Variants in TFR2 observed in about 807,000 individuals in gnomAD.
The protein encoded by TFR2 is transferrin receptor 2.
Under a neutral mutation model 91.9 loss-of-function variants are expected in TFR2, and 64 were observed. The observed-to-expected ratio is 0.70, with a 90% CI of 0.57 to 0.86. The LOEUF (loss-of-function observed/expected upper bound fraction) is 0.86, where lower values mean the gene tolerates loss of function less well. Among genes scored for constraint, TFR2 ranks in the 40% least tolerant of loss-of-function variants. The pLI is 0.00. For missense variants in TFR2, 950 were observed against 1,080.5 expected (o/e 0.88, Z 1.69); for synonymous variants, 454 against 459.6 (o/e 0.99, Z 0.15).
In TFR2 at chr7:100,631,926, T is replaced by C; in HGVS notation, c.986A>G (p.Asp329Gly). ...VYGHVHLGTGDPYTPGFPSFN... is the reference protein window; with the variant it reads ...VYGHVHLGTGGPYTPGFPSFN... Reference sequence around the variant, plus strand: ...GGAAGGGAAGCCAGGTGTGTAGGGGTCTCCAGTTCCCAGGTGCACCTGCAG... The same window carrying C: ...GGAAGGGAAGCCAGGTGTGTAGGGGCCTCCAGTTCCCAGGTGCACCTGCAG... Residue 329 changes from aspartate to glycine, a missense_variant, in exon 8 of 18, where the codon GAC becomes GGC. Transcript: ENST00000223051. The C allele has an allele frequency of 6.2e-7, 1 of 1,613,404 alleles. No individual in the cohort carries two copies. The highest frequency in any genetic ancestry group is 1.7e-5 in the Admixed American group (1 of 59,934).
chr7:100,627,592 C>A lies in TFR2; in HGVS notation c.1752G>T (p.Glu584Asp), dbSNP rs1219900591. 1.2e-6 allele frequency: 2 copies of A among 1,614,136 alleles called. No homozygotes were observed. Among genetic ancestry groups the A allele is most frequent in the Non-Finnish European group, 1.7e-6 (2 of 1,180,012 alleles). ...FTAFVGVPAVEFSFMEDDQAY... is the reference protein window; with the variant it reads ...FTAFVGVPAVDFSFMEDDQAY... ...GACGTCTCACCTCCATAAAGGAGAA[C>A]TCGACGGCAGGGACTCCCACAAAGG... Residue 584 changes from glutamate to aspartate, a missense_variant, in exon 15 of 18, where the codon GAG becomes GAT. Coordinates refer to ENST00000223051, the MANE Select transcript of TFR2 (RefSeq NM_003227.4).
chr7:100,629,168 C>T, intron 10 of TFR2, 85 bp downstream of exon 10: 1 of 1,565,208 alleles, frequency 6.4e-7, no homozygotes, highest in Non-Finnish European at 8.8e-7. Flanking sequence ...CAGTCTGTGT[C>T]CCTCACTGCC....
chr7:100,626,800 T>TC lies in TFR2; in HGVS notation c.2098dup (p.Glu700GlyfsTer92). On this transcript the variant is annotated frameshift_variant, in exon 17 of 18. Coordinates refer to ENST00000223051, the MANE Select transcript of TFR2 (RefSeq NM_003227.4). LOFTEE classifies it high-confidence loss of function. ...CACGTTGTACATGCGTGTCAGTCGC[T>TC]CGTCTCTCTCCTCCGAGCTGTAGAT... The TC allele has an allele frequency of 6.5e-7, 1 of 1,548,588 alleles. No homozygotes were observed. The highest frequency in any genetic ancestry group is 1.2e-5 in the South Asian group (1 of 84,046).
intron 17 of TFR2, among the ~76,000 whole-genome samples, chr7:100,622,727 C>G (rs1015091309): frequency 6.6e-6 from 1 of 151,392 alleles, no homozygotes; most frequent in Non-Finnish European, 1.5e-5. Flanking sequence ...GAGGCTGAGG[C>G]GGGTGGATCA....
chr7:100,641,364 G>GT, intron 1 of TFR2, 113 bp downstream of exon 1: 4 of 1,275,494 alleles, frequency 3.1e-6, no homozygotes, highest in East Asian at 5.4e-5. Context: ...GCAGGGGTGG[G>GT]AAGAAGCGAG....
intron 8 of TFR2, among the ~76,000 whole-genome samples, chr7:100,631,309 T>A (rs1803426443): frequency 7.2e-6 from 1 of 139,342 alleles, no homozygotes; most frequent in African/African-American, 2.6e-5. Context: ...GAGTCACTTT[T>A]TTTTTTTTTT....
chr7:100,632,853 G>C (rs10271052), intron 6 of TFR2, 148 bp downstream of exon 6: 1 of 1,372,330 alleles, frequency 7.3e-7, no homozygotes, highest in East Asian at 2.4e-5. Flanking sequence ...TTGCAGGTGA[G>C]AACCATCGTG....
chr7:100,634,082 C>T (rs533833674), intron 3 of TFR2, among the ~76,000 whole-genome samples: 9 of 152,064 alleles, frequency 5.9e-5, no homozygotes, highest in African/African-American at 2.2e-4. Context: ...TGCTTAAAAC[C>T]TGACTTCCCA....
chr7:100,641,472 CTT>C lies in TFR2; in HGVS notation c.33+3_33+4del, dbSNP rs749797852. On this transcript the variant is annotated splice_donor_region_variant and intron_variant, in intron 1 of 17. Coordinates refer to ENST00000223051, the MANE Select transcript of TFR2 (RefSeq NM_003227.4). Reference sequence around the variant, plus strand: ...AAGGGGTCTTCCCAATCCCACTAGTCTTACCGCTCTCTGGAATAGACCCCAAA... The same window carrying C: ...AAGGGGTCTTCCCAATCCCACTAGTCACCGCTCTCTGGAATAGACCCCAAA... The C allele has an allele frequency of 1.6e-5, 26 of 1,613,764 alleles. No individual in the cohort carries two copies. The highest frequency in any genetic ancestry group is 2.1e-5 in the Non-Finnish European group (25 of 1,179,926).
At chr7:100,628,191 A>G (rs765439073) in intron 11 of TFR2, 33 bp downstream of exon 11, 32 of 1,607,054 alleles carry the variant, frequency 2.0e-5, no homozygotes, top group South Asian at 5.5e-5. Context: ...CCTCTCCCCA[A>G]TGCCTAACGA....
At chr7:100,632,238 A>G in intron 6 of TFR2, 40 bp from the exon 7 acceptor site, 1 of 1,580,726 alleles carries the variant, frequency 6.3e-7, no homozygotes, top group Non-Finnish European at 8.7e-7. Flanking sequence ...CCCAGAAAAA[A>G]ACCCGATTCA....
Position 100,631,054 on chromosome 7 carries a change from T to C in TFR2, c.1107-2A>G. The C allele has an allele frequency of 6.4e-7, 1 of 1,566,504 alleles. No individual in the cohort carries two copies. The highest frequency in any genetic ancestry group is 8.6e-7 in the Non-Finnish European group (1 of 1,161,108). On this transcript the variant is annotated splice_acceptor_variant, in intron 8 of 17. Coordinates refer to ENST00000223051, the MANE Select transcript of TFR2 (RefSeq NM_003227.4). LOFTEE classifies it high-confidence loss of function. Reference sequence around the variant, plus strand: ...GGGGCCACAGGGCCTTTGAGCTTCCTGGAGAGGAGGAAGGCAGAAAGGGGG... The same window carrying C: ...GGGGCCACAGGGCCTTTGAGCTTCCCGGAGAGGAGGAAGGCAGAAAGGGGG...
At position 100,634,177 on chromosome 7, in the gene TFR2, AACACAC is replaced by A. The variant is rs3076877; in HGVS notation, c.474-627_474-622del. On this transcript the variant is annotated intron_variant, in intron 3 of 17. Coordinates refer to ENST00000223051, the MANE Select transcript of TFR2 (RefSeq NM_003227.4). ...CCCCAACCTCGTTCCTCCCGACGTC[AACACAC>A]ACACACACACACACACACACACACA... Among the ~76,000 whole-genome samples the A allele has an allele frequency of 7.1e-3, 941 of 132,780 alleles. 7 individuals carry two copies. The highest frequency in any genetic ancestry group is 0.023 in the African/African-American group (782 of 34,590). The allele number at this position is 132,780 out of a possible 152,430, so 87.1% of individuals were successfully genotyped here.
intron 1 of TFR2, 123 bp downstream of exon 1, chr7:100,641,354 G>T: frequency 1.8e-6 from 1 of 570,588 alleles, no homozygotes; most frequent in Non-Finnish European, 3.1e-6. Flanking sequence ...TGGGGGAGGG[G>T]CAGGGGTGGG....
intron 17 of TFR2, among the ~76,000 whole-genome samples, chr7:100,624,882 A>C (rs1340354512): frequency 6.6e-6 from 1 of 151,434 alleles, no homozygotes. Flanking sequence ...AAAAAAAAAA[A>C]ACAAAAAAAC....
intron 3 of TFR2, among the ~76,000 whole-genome samples, chr7:100,639,107 A>T (rs1330093617): frequency 1.3e-5 from 2 of 152,224 alleles, no homozygotes; most frequent in Admixed American, 1.3e-4. Context: ...CATGCCTGTA[A>T]TCCCAGCACT....
chr7:100,636,531 AG>A (rs1403129626), intron 3 of TFR2, among the ~76,000 whole-genome samples: 32 of 150,856 alleles, frequency 2.1e-4, no homozygotes, highest in Non-Finnish European at 3.8e-4. Context: ...TTATCCATTG[AG>A]GATCTACTGA....
chr7:100,631,305 CTTTTTTTTTTTTTT>C (rs542161282), intron 8 of TFR2, among the ~76,000 whole-genome samples: 3 of 95,696 alleles, frequency 3.1e-5, no homozygotes, highest in East Asian at 3.3e-4. Flanking sequence ...AGAAGAGTCA[CTTTTTTTTTTTTTT>C]TTTTTTTTTT....
chr7:100,629,521 A>G (rs1039701799), intron 9 of TFR2, 149 bp from the exon 10 acceptor site: 72 of 1,481,098 alleles, frequency 4.9e-5, no homozygotes, highest in Non-Finnish European at 6.4e-5. Flanking sequence ...GCCCCTCCCC[A>G]CTTGGCCCTT....
Sources: gnomAD v4.1 joint callset for allele counts (sites outside exome capture counted in the v4.1 genomes callset) on GRCh38, gnomAD v4.1.1 for gene constraint, MANE v1.5 for transcripts, NCBI Gene and HGNC (gene_info 2026-07-23, HGNC 2026-07-21) for gene names.